Variants in FARS2 observed in about 807,000 individuals in gnomAD.
FARS2 encodes the protein phenylalanine--tRNA ligase, mitochondrial.
FARS2 carries 40 observed loss-of-function variants against 46.4 expected under a neutral mutation model. That is an observed-to-expected ratio of 0.86 (90% CI 0.67 to 1.12). The LOEUF (loss-of-function observed/expected upper bound fraction) is 1.12, where lower values mean the gene tolerates loss of function less well. Ranked by LOEUF, FARS2 falls within the 50% of genes most tolerant of loss-of-function variation. The pLI, the probability that FARS2 is intolerant of heterozygous loss-of-function variation, is 0.00. For missense variants in FARS2, 513 were observed against 567.9 expected (o/e 0.90, Z 0.98); for synonymous variants, 234 against 214.9 (o/e 1.09, Z -0.78).
At chr6:5,631,557 T>C (rs1582630288) in intron 6 of FARS2, among the ~76,000 whole-genome samples, 1 of 152,350 alleles carries the variant, frequency 6.6e-6, no homozygotes, top group African/African-American at 2.4e-5. Context: ...CAGGGCCCTC[T>C]AAGGCAGGTG....
chr6:5,260,602 C>G, upstream of FARS2: 9 of 1,203,578 alleles, frequency 7.5e-6, no homozygotes, highest in Non-Finnish European at 1.1e-5. Flanking sequence ...CCCCGGTCCC[C>G]GGCCCCTGGC....
At chr6:5,267,201 G>C (rs972489573) in intron 1 of FARS2, among the ~76,000 whole-genome samples, 2 of 148,890 alleles carry the variant, frequency 1.3e-5, no homozygotes, top group Admixed American at 6.7e-5. Flanking sequence ...GTAAAGGAAA[G>C]AAACCATCTT....
At chr6:5,646,252 T>C (rs796836991) in intron 6 of FARS2, among the ~76,000 whole-genome samples, 24 of 152,326 alleles carry the variant, frequency 1.6e-4, no homozygotes, top group African/African-American at 5.8e-4. Flanking sequence ...GTTTTCCGAG[T>C]ATATCTAATG....
the FARS2 span, among the ~76,000 whole-genome samples, chr6:5,251,007 A>C: frequency 6.6e-6 from 1 of 152,222 alleles, no homozygotes; most frequent in Non-Finnish European, 1.5e-5. Context: ...ACATTCTGCA[A>C]ATCTCCACTG....
chr6:5,650,846 T>C (rs1777325175), intron 6 of FARS2, among the ~76,000 whole-genome samples: 1 of 152,212 alleles, frequency 6.6e-6, no homozygotes, highest in South Asian at 2.1e-4. Context: ...AGAGGGAGTG[T>C]GCTCCAATGG....
intron 5 of FARS2, among the ~76,000 whole-genome samples, chr6:5,607,321 G>A (rs1454469417): frequency 9.4e-6 from 1 of 106,694 alleles, no homozygotes; most frequent in Admixed American, 1.0e-4. Context: ...GTGTGTGTGT[G>A]TGTGTGTGTA....
At chr6:5,369,789 C>T (rs1422603938) in intron 2 of FARS2, among the ~76,000 whole-genome samples, 1 of 151,960 alleles carries the variant, frequency 6.6e-6, no homozygotes, top group Non-Finnish European at 1.5e-5. Flanking sequence ...GGAGCCTTTT[C>T]CCAACTCCTT....
chr6:5,329,444 T>C (rs1307915770), intron 1 of FARS2, among the ~76,000 whole-genome samples: 1 of 151,248 alleles, frequency 6.6e-6, no homozygotes, highest in Non-Finnish European at 1.5e-5. Flanking sequence ...ATAAAACTTG[T>C]GACAACAAAT....
intron 6 of FARS2, among the ~76,000 whole-genome samples, chr6:5,670,256 C>T (rs1416281725): frequency 6.6e-6 from 1 of 152,154 alleles, no homozygotes; most frequent in East Asian, 1.9e-4. Flanking sequence ...TAGATTTCTC[C>T]ACCCAAATAA....
intron 1 of FARS2, among the ~76,000 whole-genome samples, chr6:5,352,406 A>T (rs1226321491): frequency 6.6e-6 from 1 of 151,342 alleles, no homozygotes; most frequent in Non-Finnish European, 1.5e-5. Context: ...CGTCATGCCC[A>T]CTCTGCTCAG....
intron 6 of FARS2, among the ~76,000 whole-genome samples, chr6:5,712,758 T>G (rs367966021): frequency 2.0e-5 from 3 of 152,202 alleles, no homozygotes; most frequent in South Asian, 2.1e-4. Flanking sequence ...TGCTTTGTAA[T>G]CCTGAACAGC....
At chr6:5,264,789 A>G (rs965974600) in intron 1 of FARS2, among the ~76,000 whole-genome samples, 3 of 152,126 alleles carry the variant, frequency 2.0e-5, no homozygotes, top group African/African-American at 7.2e-5. Flanking sequence ...AGGTGACTAG[A>G]TAAGCGAAAC....
intron 4 of FARS2, among the ~76,000 whole-genome samples, chr6:5,544,546 T>C (rs1288540543): frequency 6.6e-6 from 1 of 152,202 alleles, no homozygotes. Context: ...CCTTCTAATT[T>C]ATGGCACTGA....
chr6:5,701,478 G>T (rs536904447), intron 6 of FARS2, among the ~76,000 whole-genome samples: 1 of 152,272 alleles, frequency 6.6e-6, no homozygotes, highest in African/African-American at 2.4e-5. Context: ...CTCTGTGCTG[G>T]GCTATTATTG....
chr6:5,394,007 A>G (rs955994802), intron 2 of FARS2, among the ~76,000 whole-genome samples: 1 of 152,238 alleles, frequency 6.6e-6, no homozygotes, highest in Non-Finnish European at 1.5e-5. Context: ...GACTTCCTAA[A>G]TGATCAAGTA....
At chr6:5,284,625 A>T (rs1426234292) in intron 1 of FARS2, among the ~76,000 whole-genome samples, 1 of 152,206 alleles carries the variant, frequency 6.6e-6, no homozygotes, top group Non-Finnish European at 1.5e-5. Flanking sequence ...AGAGATCACC[A>T]GTCGCCTTCT....
intron 4 of FARS2, among the ~76,000 whole-genome samples, chr6:5,474,012 C>G (rs1323601448): frequency 6.6e-6 from 1 of 152,170 alleles, no homozygotes; most frequent in Non-Finnish European, 1.5e-5. Flanking sequence ...CCTCCTGTTA[C>G]CAAATTTGTG....
At chr6:5,419,892 T>A (rs935858997) in intron 3 of FARS2, among the ~76,000 whole-genome samples, 4 of 152,164 alleles carry the variant, frequency 2.6e-5, no homozygotes, top group Non-Finnish European at 5.9e-5. Context: ...GCAGGCTCAC[T>A]TTATCCTCTC....
At chr6:5,490,047 C>T (rs898223603) in intron 4 of FARS2, among the ~76,000 whole-genome samples, 2 of 152,158 alleles carry the variant, frequency 1.3e-5, no homozygotes, top group South Asian at 2.1e-4. Flanking sequence ...GTGGCCCTTT[C>T]GGTTGACCTT....
Sources: allele counts gnomAD v4.1 joint callset (sites outside exome capture counted in the v4.1 genomes callset), GRCh38; gene constraint gnomAD v4.1.1; transcripts MANE v1.5; gene names NCBI Gene and HGNC (gene_info 2026-07-23, HGNC 2026-07-21).